Variants in BAZ1A observed in about 807,000 individuals in gnomAD.
BAZ1A encodes the protein bromodomain adjacent to zinc finger domain protein 1A.
Under a neutral mutation model 185.2 loss-of-function variants are expected in BAZ1A, and 50 were observed. That is an observed-to-expected ratio of 0.27 (90% CI 0.22 to 0.34). The LOEUF is 0.34. Ranked by LOEUF, BAZ1A falls within the 10% of genes least tolerant of loss-of-function variation. The probability of loss-of-function intolerance (pLI) is 1.00; values close to 1 mark genes in which losing one functional copy is unlikely to be tolerated. For synonymous variants in BAZ1A, 571 were observed against 615.6 expected (o/e 0.93, Z 1.07); for missense variants, 1,356 against 1,839.9 (o/e 0.74, Z 4.81).
chr14:34,825,017 C>T (rs553165555), intron 4 of BAZ1A, among the ~76,000 whole-genome samples: 8 of 152,288 alleles, frequency 5.3e-5, no homozygotes, highest in Non-Finnish European at 1.0e-4. Context: ...AAATTCCTAG[C>T]TACATGTTTG....
Position 34,785,764 on chromosome 14 carries a change from T to G in BAZ1A, c.1831+13A>C, listed in dbSNP as rs765438821. On this transcript the variant is annotated intron_variant, in intron 14 of 26. Transcript: ENST00000360310. ...GTGGGCAGGTTATGCAAATTCCAACTTGCAAAGCTTACCTGGTGTCAAATC... is the reference window on the plus strand; with the variant it reads ...GTGGGCAGGTTATGCAAATTCCAACGTGCAAAGCTTACCTGGTGTCAAATC... 1.2e-6 allele frequency: 2 copies of G among 1,612,652 alleles called. No homozygotes were observed. Among genetic ancestry groups the G allele is most frequent in the Non-Finnish European group, 1.7e-6 (2 of 1,179,354 alleles).
rs1434396813 is a variant in BAZ1A, at chr14:34,761,786, T to G, written c.4214A>C (p.Lys1405Thr). The G allele has an allele frequency of 6.2e-7, 1 of 1,613,126 alleles. No individual in the cohort carries two copies. The highest frequency in any genetic ancestry group is 2.2e-5 in the East Asian group (1 of 44,868). Reference protein sequence around the residue: ...SKLSLQESESKRRCRKRQSPE... With the variant: ...SKLSLQESESTRRCRKRQSPE... ...AGATTGTCTTTTTCTGCATCTTCTT[T>G]TGGATTCACTCTCTTGGAGAGAAAG... The change falls in exon 24 of 27, where the codon AAA becomes ACA. Residue 1405 changes from lysine to threonine, a missense_variant. Lys to Thr is a moderately conservative substitution (Grantham distance 78). This residue lies in a region of BAZ1A where 309 missense variants were observed against 355.3 expected (regional missense o/e 0.87). Coordinates refer to ENST00000360310, the MANE Select transcript of BAZ1A (RefSeq NM_013448.3).
intron 4 of BAZ1A, among the ~76,000 whole-genome samples, chr14:34,814,293 CATATAA>C (rs1215804881): frequency 1.3e-5 from 2 of 151,392 alleles, no homozygotes; most frequent in Non-Finnish European, 2.9e-5. Flanking sequence ...TATATATTAA[CATATAA>C]ATATATTTTA....
intron 3 of BAZ1A, among the ~76,000 whole-genome samples, chr14:34,861,520 C>A (rs1296405079): frequency 6.6e-6 from 1 of 152,106 alleles, no homozygotes; most frequent in Non-Finnish European, 1.5e-5. Flanking sequence ...AAACTCAATC[C>A]TGGTTTTGTT....
chr14:34,821,750 C>T (rs1219906672), intron 4 of BAZ1A, among the ~76,000 whole-genome samples: 2 of 152,082 alleles, frequency 1.3e-5, no homozygotes, highest in Non-Finnish European at 2.9e-5. Flanking sequence ...TTTGGGAAGC[C>T]AAGGCGGGCA....
intron 4 of BAZ1A, among the ~76,000 whole-genome samples, chr14:34,817,456 C>T (rs992087024): frequency 1.3e-5 from 2 of 152,148 alleles, no homozygotes; most frequent in Non-Finnish European, 2.9e-5. Context: ...GAGGTGTTGG[C>T]ACACACCTGT....
At chr14:34,830,516 G>C (rs1038114698) in intron 3 of BAZ1A, among the ~76,000 whole-genome samples, 1 of 140,396 alleles carries the variant, frequency 7.1e-6, no homozygotes. Flanking sequence ...ACTTGGCGGC[G>C]GGGGATGGCG....
intron 21 of BAZ1A, among the ~76,000 whole-genome samples, chr14:34,770,825 G>T: frequency 6.6e-6 from 1 of 152,044 alleles, no homozygotes; most frequent in African/African-American, 2.4e-5. Flanking sequence ...TGGTATTTCT[G>T]ATTTAGCACT....
chr14:34,858,984 C>T (rs748689068), intron 3 of BAZ1A, among the ~76,000 whole-genome samples: 13 of 152,072 alleles, frequency 8.5e-5, no homozygotes, highest in Non-Finnish European at 1.3e-4. Flanking sequence ...CTTTGTGAGT[C>T]GGGGAGCCAT....
At position 34,796,632 on chromosome 14, in the gene BAZ1A, A is replaced by AT. The variant is rs573280783; in HGVS notation, c.1129-868dup. Among the ~76,000 whole-genome samples, 3 of 152,322 alleles carry AT rather than the reference A, an allele frequency of 2.0e-5. No individual in the cohort carries two copies. In the South Asian group the frequency reaches 6.2e-4, roughly 32 times the overall value. ...TGATTCTGGTGTTTGAAATTGCAAG[A>AT]TAAATATTAACTGCTAAATGTCTCT... On this transcript the variant is annotated intron_variant, in intron 9 of 26. Coordinates refer to ENST00000360310, the MANE Select transcript of BAZ1A (RefSeq NM_013448.3).
At chr14:34,862,534 G>A (rs2042785323) in intron 2 of BAZ1A, among the ~76,000 whole-genome samples, 1 of 151,986 alleles carries the variant, frequency 6.6e-6, no homozygotes, top group Admixed American at 6.6e-5. Flanking sequence ...TTTATATTTT[G>A]CAATTTAAAG....
At chr14:34,823,158 T>G in intron 4 of BAZ1A, among the ~76,000 whole-genome samples, 1 of 150,712 alleles carries the variant, frequency 6.6e-6, no homozygotes. Context: ...GTTCAAGACC[T>G]GCCTGGCCAT....
intron 9 of BAZ1A, among the ~76,000 whole-genome samples, chr14:34,798,111 G>A (rs1360046906): frequency 6.6e-6 from 1 of 152,272 alleles, no homozygotes; most frequent in African/African-American, 2.4e-5. Flanking sequence ...CAGTAGCCTG[G>A]CAGGGGGAGG....
intron 3 of BAZ1A, among the ~76,000 whole-genome samples, chr14:34,859,609 ACTTAACT>A (rs2042736446): frequency 6.6e-6 from 1 of 152,104 alleles, no homozygotes; most frequent in African/African-American, 2.4e-5. Context: ...CCCCTTTTCT[ACTTAACT>A]CTTAACTGAG....
chr14:34,793,311 G>A (rs1346108795), intron 11 of BAZ1A, among the ~76,000 whole-genome samples: 1 of 152,114 alleles, frequency 6.6e-6, no homozygotes, highest in Non-Finnish European at 1.5e-5. Context: ...GCATAGAAGA[G>A]GTCATTATCC....
intron 7 of BAZ1A, among the ~76,000 whole-genome samples, chr14:34,801,905 C>CAAA (rs375668563): frequency 0.3 from 33,829 of 112,446 alleles, 4,831 homozygotes; most frequent in Admixed American, 0.39. Flanking sequence ...GACTCCATCT[C>CAAA]AAAAAAAAAA....
At chr14:34,822,651 C>T (rs1485168863) in intron 4 of BAZ1A, among the ~76,000 whole-genome samples, 2 of 152,048 alleles carry the variant, frequency 1.3e-5, no homozygotes. Context: ...AATTCATCAG[C>T]TTATTCACTT....
chr14:34,853,303 T>A (rs1396708991), intron 3 of BAZ1A, among the ~76,000 whole-genome samples: 1 of 152,218 alleles, frequency 6.6e-6, no homozygotes, highest in Non-Finnish European at 1.5e-5. Context: ...GTTGAACAAC[T>A]AAATAATAAC....
rs776632376 is a variant in BAZ1A, at chr14:34,776,536, TTCA to T, written c.2237-24_2237-22del. ...TTTCCCTGTAATTAAAATAAAATGT[TTCA>T]TCATCATCATATTTCAAGTTTCCAT... On this transcript the variant is annotated intron_variant, in intron 17 of 26. Coordinates refer to ENST00000360310, the MANE Select transcript of BAZ1A (RefSeq NM_013448.3). The T allele has an allele frequency of 1.8e-4, 270 of 1,530,016 alleles. No individual in the cohort carries two copies. In the African/African-American group the frequency reaches 3.0e-3, roughly 17 times the overall value. The allele number at this position is 1,530,016 out of a possible 1,614,324, so 94.8% of individuals were successfully genotyped here. A position where few individuals can be genotyped will look rare whatever the true frequency, so the allele number is the denominator to read the frequency against.
Sources: gnomAD v4.1 joint callset for allele counts (sites outside exome capture counted in the v4.1 genomes callset) on GRCh38, gnomAD v4.1.1 for gene constraint, gnomAD v4.1.1 regional missense constraint, MANE v1.5 for transcripts, NCBI Gene and HGNC (gene_info 2026-07-23, HGNC 2026-07-21) for gene names.